The following RPUSD1 variants were observed in gnomAD, a reference collection of about 807,000 sequenced individuals.
The protein encoded by RPUSD1 is pseudouridylate synthase RPUSD1.
A neutral mutation model predicts 22.4 loss-of-function variants in RPUSD1; 28 were observed. The observed-to-expected ratio is 1.25, with a 90% CI of 0.93 to 1.72. The LOEUF (loss-of-function observed/expected upper bound fraction) is 1.72, where lower values mean the gene tolerates loss of function less well. Among genes scored for constraint, RPUSD1 ranks in the 40% most tolerant of loss-of-function variants. The probability of loss-of-function intolerance (pLI) is 0.00; values close to 1 mark genes in which losing one functional copy is unlikely to be tolerated. For missense variants in RPUSD1, 596 were observed against 442.2 expected (o/e 1.35, Z -3.12); for synonymous variants, 298 against 201.0 (o/e 1.48, Z -4.08).
In RPUSD1 at chr16:786,907, C is replaced by G; in HGVS notation, c.431G>C (p.Ser144Thr). Residue 144 changes from serine to threonine, a missense_variant, in exon 5 of 6, where the codon AGC (serine) becomes ACC (threonine). Ser to Thr is a moderately conservative substitution (Grantham distance 58). Coordinates refer to ENST00000007264, the MANE Select transcript of RPUSD1 (RefSeq NM_058192.3). ...TTCCAGAACCACGAGATCTGTGAGGCTTGGCTTTGGGTTCTCACAACCTGG... is the reference window on the plus strand; with the variant it reads ...TTCCAGAACCACGAGATCTGTGAGGGTTGGCTTTGGGTTCTCACAACCTGG... ...GSQGCENPKP[S>T]LTDLVVLEHG... 1 of 1,613,264 alleles carries G rather than the reference C, an allele frequency of 6.2e-7. No individual in the cohort carries two copies. The highest frequency in any genetic ancestry group is 2.2e-5 in the East Asian group (1 of 44,882).
rs761049010 is a variant in RPUSD1, at chr16:787,579, G to A, written c.159C>T (p.Asp53=). The A allele has an allele frequency of 2.5e-6, 4 of 1,610,982 alleles. No homozygotes were observed. Among genetic ancestry groups the A allele is most frequent in the African/African-American group, 1.3e-5 (1 of 74,934 alleles). Reference sequence around the variant, plus strand: ...ACCTGAACCCGTAGCAGGTGTCAGGGTCGGCCAGCTCGGGAAAGCGGTACC... The same window carrying A: ...ACCTGAACCCGTAGCAGGTGTCAGGATCGGCCAGCTCGGGAAAGCGGTACC... ...QLRYRFPELA[D]PDTCYGFRFC... is the part of the protein sequence containing the mutation. Residue 53 remains aspartate, a synonymous_variant, in exon 2 of 6, where the codon GAC becomes GAT. Coordinates refer to ENST00000007264, the MANE Select transcript of RPUSD1 (RefSeq NM_058192.3).
intron 1 of RPUSD1, 110 bp downstream of exon 1, chr16:788,146 G>T: frequency 2.2e-6 from 1 of 448,236 alleles, no homozygotes; most frequent in Non-Finnish European, 4.4e-6. Context: ...TAGGGCTGGG[G>T]CCTCCTCGCT....
rs2041884673 is a variant in RPUSD1, at chr16:785,867, G to C, written c.*83C>G. ...TGCTGCCTGGCACCTCGAGGCCCCAGAGCCAGTGAGCAGACGCTCGCTCGC... is the reference window on the plus strand; with the variant it reads ...TGCTGCCTGGCACCTCGAGGCCCCACAGCCAGTGAGCAGACGCTCGCTCGC... On this transcript the variant is annotated 3_prime_UTR_variant, in exon 6 of 6. Coordinates refer to ENST00000007264, the MANE Select transcript of RPUSD1 (RefSeq NM_058192.3). 4 of 1,245,578 alleles carry C rather than the reference G, an allele frequency of 3.2e-6. No homozygotes were observed. The highest frequency in any genetic ancestry group is 4.2e-6 in the Non-Finnish European group (4 of 952,102). The allele number at this position is 1,245,578 out of a possible 1,614,324, so 77.2% of individuals were successfully genotyped here.
In RPUSD1 at chr16:785,513, G is replaced by A. The variant is rs1353111305; in HGVS notation, c.*437C>T. On this transcript the variant is annotated 3_prime_UTR_variant, in exon 6 of 6. Coordinates refer to ENST00000007264, the MANE Select transcript of RPUSD1 (RefSeq NM_058192.3). ...CCTTCCCAGCCCCTCTAGAGGGTAG[G>A]TTGGGGGCAGTAGCTCACCAGGCCC... The A allele has an allele frequency of 6.1e-6, 1 of 163,466 alleles. No individual in the cohort carries two copies. The highest frequency in any genetic ancestry group is 1.3e-5 in the Non-Finnish European group (1 of 75,988). The allele number at this position is 163,466 out of a possible 1,614,324, so 10.1% of individuals were successfully genotyped here.
rs59913282 is a variant in RPUSD1, at chr16:786,420, C to T, written c.512-43G>A. 15,408 of 1,558,916 alleles carry T rather than the reference C, an allele frequency of 9.9e-3. 87 individuals are homozygous for T. Among genetic ancestry groups the T allele is most frequent in the Non-Finnish European group, 0.011 (12,737 of 1,151,210 alleles). On this transcript the variant is annotated intron_variant, in intron 5 of 5. Transcript: ENST00000007264. ...TGCCGGATCAAGCTGGGAGCGGGGC[C>T]GATCCACACCTATCTCCCTGACCAG...
chr16:788,234 C>T, intron 1 of RPUSD1, 22 bp downstream of exon 1: 1 of 393,354 alleles, frequency 2.5e-6, no homozygotes, highest in Non-Finnish European at 4.9e-6. Context: ...CCTCCCGCGC[C>T]CACGCCCACG....
rs1335137867 is a variant in RPUSD1 at position 785,930 on chromosome 16, CT to C, written c.*19del. 9 of 1,428,680 alleles carry C rather than the reference CT, an allele frequency of 6.3e-6. No individual in the cohort carries two copies. In the Admixed American group the frequency reaches 2.6e-4, roughly 41 times the overall value. The allele number at this position is 1,428,680 out of a possible 1,614,324, so 88.5% of individuals were successfully genotyped here. On this transcript the variant is annotated 3_prime_UTR_variant, in exon 6 of 6. Transcript: ENST00000007264. ...AGTCCCGCTGTGCAGCTGACACCCC[CT>C]GCCCCAGCCCCACGGCTCTCAGCTG...
chr16:787,225 G>A, intron 3 of RPUSD1, 46 bp from the exon 4 acceptor site: 1 of 1,562,234 alleles, frequency 6.4e-7, no homozygotes, highest in Non-Finnish European at 8.7e-7. Context: ...GCAGCCCAGT[G>A]CTGCCGGGGA....
In RPUSD1 at chr16:785,248, T is replaced by TGGCCCCTGACC. The variant is rs1222610854; in HGVS notation, c.*691_*701dup. 6 of 152,368 alleles carry TGGCCCCTGACC rather than the reference T, an allele frequency of 3.9e-5. No homozygotes were observed. The highest frequency in any genetic ancestry group is 1.2e-4 in the African/African-American group (5 of 41,428). 9.4% of individuals were successfully genotyped at this position (152,368 alleles called of 1,614,324 possible). ...GGCGTGCGTGGCAGGGCCTTGGCCA[T>TGGCCCCTGACC]GGCCCCTGACCAACCCCTGTGCACC... On this transcript the variant is annotated 3_prime_UTR_variant, in exon 6 of 6. Transcript: ENST00000007264.
At chr16:787,923 G>T (rs941137449) in intron 1 of RPUSD1, 179 bp from the exon 2 acceptor site, 1 of 634,562 alleles carries the variant, frequency 1.6e-6, no homozygotes, top group African/African-American at 1.8e-5. Flanking sequence ...GCGTCAGCTG[G>T]GGAGTCAAGG....
chr16:787,104 G>A lies in RPUSD1; in HGVS notation c.382C>T (p.His128Tyr). ...TGCGAGCCCTCGATGCACATGGTGT[G>A]GGCCCGGCCCTCCGTGCTGTTCCTG... ...IGRNSTEGRA[H>Y]TMCIEGSQGC... The change falls in exon 4 of 6, where the codon CAC (histidine) becomes TAC (tyrosine). Residue 128 changes from histidine (H) to tyrosine (Y), a missense_variant. Transcript: ENST00000007264. 6.2e-7 allele frequency: 1 copy of A among 1,607,704 alleles called. No individual in the cohort carries two copies. The highest frequency in any genetic ancestry group is 1.1e-5 in the South Asian group (1 of 90,620).
At chr16:787,289 G>T in intron 3 of RPUSD1, 65 bp downstream of exon 3, 3 of 1,549,002 alleles carry the variant, frequency 1.9e-6, no homozygotes, top group South Asian at 2.3e-5. Context: ...TCTGAGCCAG[G>T]GCTGCCCAAG....
chr16:786,445 G>A, intron 5 of RPUSD1, 68 bp from the exon 6 acceptor site: 8 of 1,496,106 alleles, frequency 5.3e-6, no homozygotes, highest in East Asian at 2.3e-5. Flanking sequence ...TCCCTGACCA[G>A]GACCCACCTC....
In RPUSD1 at chr16:787,642, C is replaced by A; in HGVS notation, c.96G>T (p.Lys32Asn). The change falls in exon 2 of 6, where the codon AAG becomes AAT. Residue 32 changes from lysine (K) to asparagine (N), a missense_variant. Physicochemically the swap from Lys to Asn is moderately conservative, Grantham distance 94. Transcript: ENST00000007264. Reference sequence around the variant, plus strand: ...GCAGGGTCAGAGTCTCCCGCCACGCCTTGCTGTCAATGCGAACGTCCCAGT... The same window carrying A: ...GCAGGGTCAGAGTCTCCCGCCACGCATTGCTGTCAATGCGAACGTCCCAGT... ...NKHWDVRIDS[K>N]AWRETLTLQK... 1 of 1,612,332 alleles carries A rather than the reference C, an allele frequency of 6.2e-7. No individual in the cohort carries two copies. Among genetic ancestry groups the A allele is most frequent in the Non-Finnish European group, 8.5e-7 (1 of 1,179,968 alleles).
chr16:786,756 C>T, intron 5 of RPUSD1, 71 bp downstream of exon 5: 1 of 1,299,448 alleles, frequency 7.7e-7, no homozygotes, highest in Non-Finnish European at 1.1e-6. Context: ...GGTGGCCCAA[C>T]ATAAGCTTCG....
chr16:786,147 C>G lies in RPUSD1; in HGVS notation c.742G>C (p.Asp248His), dbSNP rs750234985. The G allele has an allele frequency of 6.2e-7, 1 of 1,610,506 alleles. No homozygotes were observed. The highest frequency in any genetic ancestry group is 8.5e-7 in the Non-Finnish European group (1 of 1,178,250). Residue 248 changes from aspartate (D) to histidine (H), a missense_variant, in exon 6 of 6, where the codon GAC becomes CAC. Asp to His is a moderately conservative substitution (Grantham distance 81). Transcript: ENST00000007264. ...GCCCGTAAGGCCTGCACGAGCTGGT[C>G]CAGCGACTGCAGCAGTGTGTGGGGG... ...WSPHTLLQSL[D>H]QLVQALRATP...
rs1482619348 is a variant in RPUSD1, at chr16:785,990, A to G, written c.899T>C (p.Leu300Pro). The G allele has an allele frequency of 1.4e-6, 2 of 1,454,924 alleles. No homozygotes were observed. Among genetic ancestry groups the G allele is most frequent in the Non-Finnish European group, 1.8e-6 (2 of 1,107,902 alleles). The allele number at this position is 1,454,924 out of a possible 1,614,324, so 90.1% of individuals were successfully genotyped here. Residue 300 changes from leucine (L) to proline (P), a missense_variant, in exon 6 of 6, where the codon CTG (leucine) becomes CCG (proline). Transcript: ENST00000007264. ...CAGCGTCCACTCCGACAGCCACTGC[A>G]GGCAGGGGCCCCGCTGTGCCTCAGT... is the stretch of plus-strand genomic sequence containing the variant. ...PETEAQRGPCLQWLSEWTLEP... is the reference protein window; with the variant it reads ...PETEAQRGPCPQWLSEWTLEP...
In RPUSD1 at chr16:786,119, G is replaced by A. The variant is rs61746673; in HGVS notation, c.770C>T (p.Thr257Ile). ...LDQLVQALRA[T>I]PDPDPEDRGP... ...CCTATCCTCGGGGTCAGGGTCGGGG[G>A]TGGCCCGTAAGGCCTGCACGAGCTG... Residue 257 changes from threonine to isoleucine, a missense_variant, in exon 6 of 6, where the codon ACC becomes ATC. Thr to Ile is a moderately conservative substitution (Grantham distance 89, BLOSUM62 -1). Coordinates refer to ENST00000007264, the MANE Select transcript of RPUSD1 (RefSeq NM_058192.3). The A allele has an allele frequency of 1.3e-6, 2 of 1,598,590 alleles. No individual in the cohort carries two copies. Among genetic ancestry groups the A allele is most frequent in the Non-Finnish European group, 1.7e-6 (2 of 1,169,114 alleles).
In RPUSD1 at chr16:787,332, C is replaced by T. The variant is rs751551291; in HGVS notation, c.306+22G>A. On this transcript the variant is annotated intron_variant, in intron 3 of 5. Coordinates refer to ENST00000007264, the MANE Select transcript of RPUSD1 (RefSeq NM_058192.3). ...GGAATCCTGAGTCCCCACGCCCCAC[C>T]CCAGGACTGACCAGGTCTTACCAAT... 9 of 1,574,474 alleles carry T rather than the reference C, an allele frequency of 5.7e-6. No individual in the cohort carries two copies. In the East Asian group the frequency reaches 1.2e-4, roughly 21 times the overall value.
Sources: gnomAD v4.1 joint callset for allele counts on GRCh38, gnomAD v4.1.1 for gene constraint, MANE v1.5 for transcripts, NCBI Gene and HGNC (gene_info 2026-07-23, HGNC 2026-07-21) for gene names.